FA2H: variants seen among roughly 807,000 people sequenced by gnomAD.
The protein encoded by FA2H is fatty acid alpha-hydroxylase.
FA2H carries 22 observed loss-of-function variants against 44.9 expected under a neutral mutation model. The ratio of observed to expected loss-of-function variants is 0.49; its 90% CI spans 0.35 to 0.70. The LOEUF (loss-of-function observed/expected upper bound fraction) is 0.70. FA2H is among the 30% of genes least tolerant of loss of function. The pLI is 0.01. For missense variants in FA2H, 501 were observed against 504.9 expected (o/e 0.99, Z 0.07); for synonymous variants, 243 against 213.2 (o/e 1.14, Z -1.22).
At position 74,713,283 on chromosome 16, in the gene FA2H, A is replaced by G. The variant is rs1160916939; in HGVS notation, c.*907T>C. The G allele has an allele frequency of 6.5e-6, 1 of 152,696 alleles. No homozygotes were observed. Among genetic ancestry groups the G allele is most frequent in the Non-Finnish European group, 1.5e-5 (1 of 68,056 alleles). 9.5% of individuals were successfully genotyped at this position (152,696 alleles called of 1,614,324 possible). ...CAGACTAAGAACATGTATCTGGTTT[A>G]TAAATAAGACCGTCCTGGGAGCAGT... On this transcript the variant is annotated 3_prime_UTR_variant, in exon 7 of 7. Transcript: ENST00000219368.
At chr16:74,729,772 C>T (rs137916253) in intron 2 of FA2H, among the ~76,000 whole-genome samples, 293 of 152,108 alleles carry the variant, frequency 1.9e-3, no homozygotes, top group African/African-American at 6.7e-3. Context: ...CTTTTCCTCC[C>T]GGAGCCCCTC....
chr16:74,751,560 T>C (rs1352411990), intron 1 of FA2H, among the ~76,000 whole-genome samples: 1 of 151,846 alleles, frequency 6.6e-6, no homozygotes, highest in African/African-American at 2.4e-5. Context: ...ACAGGGTAAA[T>C]TGTCTTTCTG....
chr16:74,726,175 C>T (rs374924596), intron 4 of FA2H, 50 bp downstream of exon 4: 2 of 1,275,374 alleles, frequency 1.6e-6, no homozygotes, highest in African/African-American at 2.9e-5. Flanking sequence ...GCACTGAGGT[C>T]TCCTCCCTCT....
intron 1 of FA2H, among the ~76,000 whole-genome samples, chr16:74,747,350 GAA>G (rs1962444353): frequency 6.6e-6 from 1 of 151,732 alleles, no homozygotes; most frequent in Admixed American, 6.6e-5. Flanking sequence ...AAGAAAGAAA[GAA>G]AGAAAAGTGA....
chr16:74,757,193 G>T (rs532303102), intron 1 of FA2H, among the ~76,000 whole-genome samples: 1 of 152,148 alleles, frequency 6.6e-6, no homozygotes, highest in African/African-American at 2.4e-5. Context: ...GATGGATAAA[G>T]GACATGAAAA....
At chr16:74,726,042 G>T (rs541135868) in intron 4 of FA2H, 183 bp downstream of exon 4, 19 of 599,372 alleles carry the variant, frequency 3.2e-5, no homozygotes, top group Admixed American at 2.4e-4. Flanking sequence ...TATCCATTTG[G>T]GGGGTAGATG....
At chr16:74,731,036 G>T (rs1031784275) in intron 2 of FA2H, among the ~76,000 whole-genome samples, 11 of 152,138 alleles carry the variant, frequency 7.2e-5, no homozygotes, top group African/African-American at 2.4e-4. Context: ...CTGTGCGCAG[G>T]ATCCCTGTTT....
Position 74,774,663 on chromosome 16 carries a change from G to A in FA2H, c.93C>T (p.Ala31=). 2 of 1,436,832 alleles carry A rather than the reference G, an allele frequency of 1.4e-6. No individual in the cohort carries two copies. Among genetic ancestry groups the A allele is most frequent in the Non-Finnish European group, 1.8e-6 (2 of 1,098,208 alleles). The allele number at this position is 1,436,832 out of a possible 1,614,324, so 89.0% of individuals were successfully genotyped here. A position where few individuals can be genotyped will look rare whatever the true frequency, so the allele number is the denominator to read the frequency against. ...AAGACWVRRG[A]RLYDLSSFVR... is the part of the protein sequence containing the mutation. ...CGAAGCTGGAGAGGTCGTAGAGGCG[G>A]GCCCCGCGGCGGACCCAGCACGCGC... The change falls in exon 1 of 7, where the codon GCC becomes GCT. Residue 31 remains alanine (A), a synonymous_variant. Coordinates refer to ENST00000219368, the MANE Select transcript of FA2H (RefSeq NM_024306.5).
chr16:74,765,159 C>CT (rs11411146), intron 1 of FA2H, among the ~76,000 whole-genome samples: 63,042 of 147,030 alleles, frequency 0.43, 14,009 homozygotes, highest in Middle Eastern at 0.52. Context: ...TTTTCTTAAT[C>CT]TTTTTTTTTT....
At chr16:74,724,131 A>C (rs941875081) in intron 4 of FA2H, among the ~76,000 whole-genome samples, 3 of 152,048 alleles carry the variant, frequency 2.0e-5, no homozygotes, top group Non-Finnish European at 1.5e-5. Flanking sequence ...CAAACTCCTG[A>C]CCTCAGGTGA....
In FA2H at chr16:74,714,118, G is replaced by T; in HGVS notation, c.*72C>A. On this transcript the variant is annotated 3_prime_UTR_variant, in exon 7 of 7. Transcript: ENST00000219368. ...TGGCCAAGCCAACCTTCTTAATGGGGTCTGAATGGCGGGTGGGGGTCGGGA... is the reference window on the plus strand; with the variant it reads ...TGGCCAAGCCAACCTTCTTAATGGGTTCTGAATGGCGGGTGGGGGTCGGGA... 1 of 928,180 alleles carries T rather than the reference G, an allele frequency of 1.1e-6. No homozygotes were observed. Among genetic ancestry groups the T allele is most frequent in the Non-Finnish European group, 1.7e-6 (1 of 584,798 alleles). The allele number at this position is 928,180 out of a possible 1,614,324, so 57.5% of individuals were successfully genotyped here.
chr16:74,771,481 T>C (rs1962905080), intron 1 of FA2H, among the ~76,000 whole-genome samples: 1 of 151,832 alleles, frequency 6.6e-6, no homozygotes, highest in Non-Finnish European at 1.5e-5. Context: ...CCACACCCAG[T>C]GCACAACCAC....
intron 1 of FA2H, among the ~76,000 whole-genome samples, chr16:74,768,084 T>C (rs1962841085): frequency 6.6e-6 from 1 of 152,168 alleles, no homozygotes; most frequent in East Asian, 1.9e-4. Flanking sequence ...TACAGACCAA[T>C]GAGGAGCATG....
At chr16:74,771,298 C>G (rs1329487097) in intron 1 of FA2H, among the ~76,000 whole-genome samples, 2 of 152,148 alleles carry the variant, frequency 1.3e-5, no homozygotes, top group Non-Finnish European at 2.9e-5. Context: ...TCAAACGATT[C>G]TCTTACCTCA....
At chr16:74,756,845 C>T (rs1962620633) in intron 1 of FA2H, among the ~76,000 whole-genome samples, 1 of 151,368 alleles carries the variant, frequency 6.6e-6, no homozygotes, top group East Asian at 1.9e-4. Context: ...TCCTTACACC[C>T]CATCCCTCCA....
Position 74,714,041 on chromosome 16 carries a change from C to T in FA2H, c.*149G>A, listed in dbSNP as rs1041970333. On this transcript the variant is annotated 3_prime_UTR_variant, in exon 7 of 7. Coordinates refer to ENST00000219368, the MANE Select transcript of FA2H (RefSeq NM_024306.5). ...TCAGGAGGGCGGTCCTGCCTCAGGG[C>T]CCCCTCAGCACCTTCCACTAGGCTG... 9.7e-6 allele frequency: 6 copies of T among 617,010 alleles called. No individual in the cohort carries two copies. The highest frequency in any genetic ancestry group is 2.6e-5 in the Admixed American group (1 of 38,900). The allele number at this position is 617,010 out of a possible 1,614,324, so 38.2% of individuals were successfully genotyped here.
At chr16:74,774,463 G>T in intron 1 of FA2H, 23 bp downstream of exon 1, 1 of 1,496,586 alleles carries the variant, frequency 6.7e-7, no homozygotes, top group Non-Finnish European at 8.9e-7. Context: ...GGGTTGGGGT[G>T]GGGGGCCCCG....
At chr16:74,753,966 T>C (rs1237211019) in intron 1 of FA2H, among the ~76,000 whole-genome samples, 3 of 152,206 alleles carry the variant, frequency 2.0e-5, no homozygotes, top group Non-Finnish European at 4.4e-5. Flanking sequence ...AAGTGAAGCA[T>C]CAAACTTTTC....
intron 2 of FA2H, among the ~76,000 whole-genome samples, chr16:74,739,472 G>A (rs993932325): frequency 6.6e-6 from 1 of 151,988 alleles, no homozygotes; most frequent in Non-Finnish European, 1.5e-5. Context: ...CAGTCTATGG[G>A]GTCTGCTCAG....
Sources: allele counts gnomAD v4.1 joint callset (sites outside exome capture counted in the v4.1 genomes callset), GRCh38; gene constraint gnomAD v4.1.1; transcripts MANE v1.5; gene names NCBI Gene and HGNC (gene_info 2026-07-23, HGNC 2026-07-21).